ERC2: variants seen among roughly 807,000 people sequenced by gnomAD.
The protein encoded by ERC2 is ERC protein 2.
A neutral mutation model predicts 114.8 loss-of-function variants in ERC2; 42 were observed. The observed-to-expected ratio is 0.37, with a 90% CI of 0.29 to 0.47. The LOEUF (loss-of-function observed/expected upper bound fraction) is 0.47. ERC2 is among the 20% of genes least tolerant of loss of function. The pLI, the probability that ERC2 is intolerant of heterozygous loss-of-function variation, is 0.99. For missense variants in ERC2, 939 were observed against 1,150.7 expected (o/e 0.82, Z 2.66); for synonymous variants, 454 against 425.5 (o/e 1.07, Z -0.82).
chr3:56,164,554 A>C (rs1392714812), intron 4 of ERC2, among the ~76,000 whole-genome samples: 1 of 152,082 alleles, frequency 6.6e-6, no homozygotes, highest in Non-Finnish European at 1.5e-5. Flanking sequence ...TAGCGTGAAC[A>C]CTTGTGGATA....
intron 2 of ERC2, among the ~76,000 whole-genome samples, chr3:56,365,222 G>A (rs1424458902): frequency 6.6e-6 from 1 of 152,164 alleles, no homozygotes; most frequent in Non-Finnish European, 1.5e-5. Context: ...CTGTATATAA[G>A]ACAATGGTCT....
intron 3 of ERC2, among the ~76,000 whole-genome samples, chr3:56,216,547 C>A (rs2049488394): frequency 6.6e-6 from 1 of 152,256 alleles, no homozygotes; most frequent in African/African-American, 2.4e-5. Flanking sequence ...GATTCACAGC[C>A]GAATTCTACC....
chr3:55,630,156 C>A (rs772314276), intron 17 of ERC2, among the ~76,000 whole-genome samples: 1 of 152,192 alleles, frequency 6.6e-6, no homozygotes, highest in Non-Finnish European at 1.5e-5. Context: ...TCAGACAAGA[C>A]ACTTTTTGTT....
chr3:56,230,446 G>A (rs1032528283), intron 3 of ERC2, among the ~76,000 whole-genome samples: 1 of 152,024 alleles, frequency 6.6e-6, no homozygotes, highest in Non-Finnish European at 1.5e-5. Flanking sequence ...TTTTTGTAAA[G>A]ATGGGGTCTT....
chr3:55,633,880 C>T (rs924528063), intron 17 of ERC2, among the ~76,000 whole-genome samples: 4 of 152,200 alleles, frequency 2.6e-5, no homozygotes, highest in African/African-American at 9.7e-5. Context: ...CTTCGTTTCT[C>T]ATCACAAAAC....
At chr3:55,640,393 AAG>A (rs2060127184) in intron 17 of ERC2, among the ~76,000 whole-genome samples, 2 of 152,192 alleles carry the variant, frequency 1.3e-5, no homozygotes, top group Non-Finnish European at 2.9e-5. Context: ...CAGCCCTGGA[AAG>A]AGAAACCCCA....
intron 12 of ERC2, among the ~76,000 whole-genome samples, chr3:55,977,774 T>G (rs2069709274): frequency 6.6e-6 from 1 of 152,206 alleles, no homozygotes; most frequent in Admixed American, 6.5e-5. Context: ...TATTCAAAGT[T>G]ATTAATTATA....
chr3:56,179,445 T>G (rs1172318164), intron 3 of ERC2, among the ~76,000 whole-genome samples: 1 of 152,158 alleles, frequency 6.6e-6, no homozygotes, highest in Non-Finnish European at 1.5e-5. Flanking sequence ...AAAGGATTAC[T>G]CCCAATGTTG....
chr3:56,129,457 T>G (rs2080075220), intron 6 of ERC2, among the ~76,000 whole-genome samples: 1 of 152,174 alleles, frequency 6.6e-6, no homozygotes, highest in South Asian at 2.1e-4. Flanking sequence ...CTGTTTTCCA[T>G]AAAATTCATT....
At chr3:55,813,835 T>C (rs2059808871) in intron 14 of ERC2, among the ~76,000 whole-genome samples, 1 of 152,198 alleles carries the variant, frequency 6.6e-6, no homozygotes, top group African/African-American at 2.4e-5. Context: ...TCCTATTAAA[T>C]GCAAGTCCCT....
intron 14 of ERC2, among the ~76,000 whole-genome samples, chr3:55,818,330 T>C (rs9879933): frequency 2.0e-5 from 3 of 151,952 alleles, no homozygotes; most frequent in Non-Finnish European, 4.4e-5. Flanking sequence ...GAGTCTGAAA[T>C]AGTCAATAAA....
chr3:56,075,146 T>TAAGC (rs1553804727), intron 7 of ERC2, among the ~76,000 whole-genome samples: 2 of 150,824 alleles, frequency 1.3e-5, no homozygotes, highest in Admixed American at 6.6e-5. Context: ...CTTCCCTGAG[T>TAAGC]GACATAAAAA....
intron 2 of ERC2, among the ~76,000 whole-genome samples, chr3:56,421,593 G>A (rs958238349): frequency 1.5e-4 from 23 of 152,302 alleles, no homozygotes; most frequent in African/African-American, 5.1e-4. Flanking sequence ...CTTTCCTTGA[G>A]TGCCGCTTTT....
chr3:56,212,222 T>C (rs1272130192), intron 3 of ERC2, among the ~76,000 whole-genome samples: 1 of 152,116 alleles, frequency 6.6e-6, no homozygotes, highest in Non-Finnish European at 1.5e-5. Context: ...AAAGGACTAA[T>C]GTTAAGAATC....
intron 5 of ERC2, among the ~76,000 whole-genome samples, chr3:56,145,056 C>T (rs1167884857): frequency 1.3e-5 from 2 of 152,088 alleles, no homozygotes; most frequent in East Asian, 1.9e-4. Context: ...CACTTCATCC[C>T]GTCTGAAAAT....
intron 12 of ERC2, among the ~76,000 whole-genome samples, chr3:55,961,853 CAAAAA>C (rs56292252): frequency 7.3e-6 from 1 of 136,414 alleles, no homozygotes; most frequent in African/African-American, 2.7e-5. Context: ...GATACCCAGT[CAAAAA>C]AAAAAAAAAA....
intron 2 of ERC2, among the ~76,000 whole-genome samples, chr3:56,296,810 C>T (rs2055472942): frequency 6.6e-6 from 1 of 152,158 alleles, no homozygotes; most frequent in African/African-American, 2.4e-5. Context: ...CTCAGTATTC[C>T]TTGTTTCCTA....
chr3:56,294,879 G>T (rs1239931859), intron 3 of ERC2, among the ~76,000 whole-genome samples: 1 of 152,158 alleles, frequency 6.6e-6, no homozygotes. Flanking sequence ...AAGCCATGTG[G>T]TTTCCCAAGC....
chr3:55,811,651 C>T (rs1046185301), intron 14 of ERC2, among the ~76,000 whole-genome samples: 2 of 152,124 alleles, frequency 1.3e-5, no homozygotes, highest in Non-Finnish European at 2.9e-5. Flanking sequence ...GTTCCTACTC[C>T]TTTGCCTACC....
Sources: allele counts gnomAD v4.1 joint callset (sites outside exome capture counted in the v4.1 genomes callset), GRCh38; gene constraint gnomAD v4.1.1; transcripts MANE v1.5; gene names NCBI Gene and HGNC (gene_info 2026-07-23, HGNC 2026-07-21).